Variants in TNIK observed in about 807,000 individuals in gnomAD.
TNIK encodes the protein TRAF2 and NCK interacting kinase.
Under a neutral mutation model 191.3 loss-of-function variants are expected in TNIK, and 49 were observed. That is an observed-to-expected ratio of 0.26 (90% confidence interval 0.20 to 0.32). TNIK has a LOEUF of 0.32. Among genes scored for constraint, TNIK ranks in the 10% least tolerant of loss-of-function variants. The pLI, the probability that TNIK is intolerant of heterozygous loss-of-function variation, is 1.00. For synonymous variants in TNIK, 594 were observed against 600.9 expected, an observed-to-expected ratio of 0.99 and a Z score of 0.17; for missense variants, 1,155 against 1,702.3, an observed-to-expected ratio of 0.68 and a Z score of 5.66.
At chr3:171,458,479 C>G (rs73032121) in intron 1 of TNIK, among the ~76,000 whole-genome samples, 187 of 152,328 alleles carry the variant, frequency 1.2e-3, no homozygotes, top group African/African-American at 4.2e-3. Flanking sequence ...CTTCTCAACT[C>G]CTTACTTGCC....
intron 1 of TNIK, 82 bp downstream of exon 1, chr3:171,459,925 A>T: frequency 8.1e-6 from 4 of 494,208 alleles, no homozygotes; most frequent in Non-Finnish European, 1.5e-5. Context: ...CCCCTGCCCC[A>T]GCCCCAGCCC....
In TNIK at chr3:171,212,361, C is replaced by G. The variant is rs564684387; in HGVS notation, c.181-1120G>C. ...CTTCCTTAATTCTCTCAGGCAATGT[C>G]AAGTCCCCCCACTGCATCTGGTCAT... On this transcript the variant is annotated intron_variant, in intron 3 of 32. Coordinates refer to ENST00000436636, the MANE Select transcript of TNIK (RefSeq NM_015028.4). Among the ~76,000 whole-genome samples, 71 of 152,230 alleles carry G rather than the reference C, an allele frequency of 4.7e-4. 2 individuals carry two copies. In the South Asian group the frequency reaches 0.015, roughly 31 times the overall value.
At chr3:171,073,945 G>A (rs1461462198) in intron 28 of TNIK, among the ~76,000 whole-genome samples, 2 of 151,612 alleles carry the variant, frequency 1.3e-5, no homozygotes, top group African/African-American at 2.4e-5. Context: ...TTGGGAAACA[G>A]TATGGAGATT....
At chr3:171,112,337 G>A (rs1201087210) in intron 18 of TNIK, among the ~76,000 whole-genome samples, 1 of 152,188 alleles carries the variant, frequency 6.6e-6, no homozygotes, top group Non-Finnish European at 1.5e-5. Context: ...TGACAGTCAT[G>A]CCTTCCTCTG....
intron 1 of TNIK, among the ~76,000 whole-genome samples, chr3:171,383,500 A>G (rs1718336234): frequency 6.6e-6 from 1 of 152,180 alleles, no homozygotes; most frequent in Non-Finnish European, 1.5e-5. Context: ...TATTCACACA[A>G]AGAAAAACTG....
At chr3:171,107,077 T>C in intron 21 of TNIK, 106 bp downstream of exon 21, 1 of 1,203,066 alleles carries the variant, frequency 8.3e-7, no homozygotes, top group Non-Finnish European at 1.2e-6. Flanking sequence ...ACAAATCTCC[T>C]CCCAGCTGAT....
chr3:171,225,194 T>C (rs1327005417), intron 3 of TNIK, among the ~76,000 whole-genome samples: 3 of 152,140 alleles, frequency 2.0e-5, no homozygotes, highest in Non-Finnish European at 4.4e-5. Context: ...TAATACACAA[T>C]AGACAACATG....
chr3:171,400,390 C>T (rs1481206469), intron 1 of TNIK, among the ~76,000 whole-genome samples: 1 of 151,902 alleles, frequency 6.6e-6, no homozygotes, highest in Admixed American at 6.6e-5. Flanking sequence ...CATAGTGAGA[C>T]CTCATCTCTA....
intron 1 of TNIK, among the ~76,000 whole-genome samples, chr3:171,390,603 T>C (rs191724762): frequency 4.8e-4 from 73 of 152,322 alleles, no homozygotes; most frequent in African/African-American, 1.7e-3. Context: ...GCTGAATAAC[T>C]GCCATGCTGC....
chr3:171,374,054 G>A (rs2108503023), intron 1 of TNIK, among the ~76,000 whole-genome samples: 1 of 152,288 alleles, frequency 6.6e-6, no homozygotes, highest in Middle Eastern at 3.4e-3. Flanking sequence ...ATACATAACT[G>A]CTAGATATAA....
chr3:171,067,394 C>T (rs1718580984), intron 30 of TNIK, among the ~76,000 whole-genome samples: 1 of 152,012 alleles, frequency 6.6e-6, no homozygotes, highest in South Asian at 2.1e-4. Context: ...ATTATTGCCG[C>T]ACACAGTGGC....
chr3:171,161,408 A>G, intron 10 of TNIK, 72 bp from the exon 11 acceptor site: 1 of 1,350,070 alleles, frequency 7.4e-7, no homozygotes, highest in Non-Finnish European at 1.0e-6. Flanking sequence ...CCCGTCTCTT[A>G]TATATAAATA....
chr3:171,223,418 C>A (rs1330151333), intron 3 of TNIK, among the ~76,000 whole-genome samples: 1 of 152,046 alleles, frequency 6.6e-6, no homozygotes, highest in Non-Finnish European at 1.5e-5. Flanking sequence ...ATTTCCAGTG[C>A]CTATCATAAA....
Position 171,267,464 on chromosome 3 carries a change from A to G in TNIK, c.124-39243T>C, listed in dbSNP as rs76793390. Among the ~76,000 whole-genome samples, 1,365 of 152,094 alleles carry G rather than the reference A, an allele frequency of 9.0e-3. 18 individuals carry two copies. Among genetic ancestry groups the G allele is most frequent in the African/African-American group, 0.032 (1,312 of 41,474 alleles). On this transcript the variant is annotated intron_variant, in intron 2 of 32. Coordinates refer to ENST00000436636, the MANE Select transcript of TNIK (RefSeq NM_015028.4). ...AGGAGCCTGAAGTCAAAACTCAGAG[A>G]CTCCCAGGTCTGATTTATCCTTCTC...
Position 171,061,507 on chromosome 3 carries a change from C to T in TNIK, c.*2374G>A, listed in dbSNP as rs1372062803. On this transcript the variant is annotated 3_prime_UTR_variant, in exon 33 of 33. Coordinates refer to ENST00000436636, the MANE Select transcript of TNIK (RefSeq NM_015028.4). ...ATTCACAAACTACCTTATGTTTAAA[C>T]ACAATGATTCCCTTTTATTTCTTAA... 6.6e-6 allele frequency: 1 copy of T among 152,116 alleles called. No homozygotes were observed. Among genetic ancestry groups the T allele is most frequent in the East Asian group, 1.9e-4 (1 of 5,198 alleles). 9.4% of individuals were successfully genotyped at this position (152,116 alleles called of 1,614,324 possible).
rs147467757 is a variant in TNIK at position 171,419,404 on chromosome 3, A to G, written c.57+40603T>C. ...GATGTTTCTTTTGGAGGTGACAAAA[A>G]TGTTCTAAAATTGACTGTACTGATG... On this transcript the variant is annotated intron_variant, in intron 1 of 32. Coordinates refer to ENST00000436636, the MANE Select transcript of TNIK (RefSeq NM_015028.4). Among the ~76,000 whole-genome samples, 58 of 152,352 alleles carry G rather than the reference A, an allele frequency of 3.8e-4. No homozygotes were observed. In the East Asian group the frequency reaches 5.8e-3, roughly 15 times the overall value.
intron 2 of TNIK, among the ~76,000 whole-genome samples, chr3:171,245,184 A>T (rs1245103116): frequency 1.3e-5 from 2 of 152,210 alleles, no homozygotes; most frequent in African/African-American, 4.8e-5. Flanking sequence ...TGGGCTCTAT[A>T]AAACAAAGAC....
intron 1 of TNIK, among the ~76,000 whole-genome samples, chr3:171,440,877 A>C (rs1055127883): frequency 6.6e-6 from 1 of 152,200 alleles, no homozygotes; most frequent in African/African-American, 2.4e-5. Context: ...AGAGTTAGTA[A>C]GGAATGGTTT....
At chr3:171,402,597 T>C (rs1296193239) in intron 1 of TNIK, among the ~76,000 whole-genome samples, 1 of 152,230 alleles carries the variant, frequency 6.6e-6, no homozygotes, top group Non-Finnish European at 1.5e-5. Context: ...TAGTGAACAA[T>C]GTCTATAATA....
Sources: allele counts gnomAD v4.1 joint callset (sites outside exome capture counted in the v4.1 genomes callset), GRCh38; gene constraint gnomAD v4.1.1; transcripts MANE v1.5; gene names NCBI Gene and HGNC (gene_info 2026-07-23, HGNC 2026-07-21).